SULT1E1: variants seen among roughly 807,000 people sequenced by gnomAD.
SULT1E1 encodes sulfotransferase 1E1.
In SULT1E1, 36 loss-of-function variants were observed where a neutral mutation model predicts 33.6. That is an observed-to-expected ratio of 1.07 (90% CI 0.82 to 1.41). The LOEUF (loss-of-function observed/expected upper bound fraction) is 1.41. SULT1E1 is among the 40% of genes most tolerant of loss of function. The probability of loss-of-function intolerance (pLI) is 0.00; values close to 1 mark genes in which losing one functional copy is unlikely to be tolerated. For synonymous variants in SULT1E1, 121 were observed against 111.7 expected (o/e 1.08, Z -0.53); for missense variants, 371 against 345.7 (o/e 1.07, Z -0.58).
At chr4:69,829,814 G>A in the SULT1E1 span, among the ~76,000 whole-genome samples, 1 of 152,118 alleles carries the variant, frequency 6.6e-6, no homozygotes, top group African/African-American at 2.4e-5. Flanking sequence ...CTATAAGTCA[G>A]GTCACTACCA....
chr4:69,847,243 T>C (rs573295197), intron 6 of SULT1E1, among the ~76,000 whole-genome samples: 12 of 151,868 alleles, frequency 7.9e-5, no homozygotes, highest in South Asian at 2.1e-4. Context: ...TCTGTCAATT[T>C]TAATAGTTTT....
chr4:69,847,853 A>G, intron 5 of SULT1E1, 61 bp from the exon 6 acceptor site: 2 of 944,742 alleles, frequency 2.1e-6, no homozygotes, highest in Non-Finnish European at 3.4e-6. Context: ...CTCGAAAACT[A>G]GTGTTCAAGC....
downstream of SULT1E1, among the ~76,000 whole-genome samples, chr4:69,837,290 G>T (rs1242569153): frequency 6.6e-6 from 1 of 152,062 alleles, no homozygotes; most frequent in Non-Finnish European, 1.5e-5. Flanking sequence ...TTTTATTGAA[G>T]AGTTGTGACA....
chr4:69,826,843 A>G, the SULT1E1 span, among the ~76,000 whole-genome samples: 25 of 152,216 alleles, frequency 1.6e-4, no homozygotes, highest in South Asian at 3.5e-3. Flanking sequence ...ATACACAACT[A>G]TGCAAATCTT....
At chr4:69,850,020 A>G (rs1302703891) in intron 4 of SULT1E1, among the ~76,000 whole-genome samples, 2 of 151,936 alleles carry the variant, frequency 1.3e-5, no homozygotes, top group African/African-American at 4.8e-5. Flanking sequence ...ACTCCACATA[A>G]TTAAAAAAAA....
the SULT1E1 span, among the ~76,000 whole-genome samples, chr4:69,823,420 G>A: frequency 6.6e-6 from 1 of 152,080 alleles, no homozygotes; most frequent in African/African-American, 2.4e-5. Flanking sequence ...GGGTCTCCGA[G>A]AGGGGGATCT....
chr4:69,852,010 A>G (rs1297922441), intron 4 of SULT1E1, among the ~76,000 whole-genome samples: 1 of 152,250 alleles, frequency 6.6e-6, no homozygotes, highest in South Asian at 2.1e-4. Flanking sequence ...GCATTAGAAG[A>G]TATACCTAAT....
At chr4:69,851,162 G>T (rs542071043) in intron 4 of SULT1E1, among the ~76,000 whole-genome samples, 7 of 152,204 alleles carry the variant, frequency 4.6e-5, no homozygotes, top group African/African-American at 1.7e-4. Flanking sequence ...CACAGCAAAA[G>T]AAACTACCAT....
chr4:69,828,460 G>A, the SULT1E1 span, among the ~76,000 whole-genome samples: 1 of 152,068 alleles, frequency 6.6e-6, no homozygotes, highest in Non-Finnish European at 1.5e-5. Context: ...TCACTGCAAA[G>A]GTCTGCAGCT....
chr4:69,846,556 T>C (rs1014295233), intron 6 of SULT1E1, among the ~76,000 whole-genome samples: 1 of 151,570 alleles, frequency 6.6e-6, no homozygotes, highest in Non-Finnish European at 1.5e-5. Context: ...TTTGCAGTTA[T>C]TAAGAATGCT....
intron 6 of SULT1E1, among the ~76,000 whole-genome samples, chr4:69,845,536 T>C (rs1048078944): frequency 6.6e-6 from 1 of 151,012 alleles, no homozygotes; most frequent in African/African-American, 2.4e-5. Context: ...TGTATGTGTA[T>C]ATATATATAA....
intron 3 of SULT1E1, 42 bp downstream of exon 3, chr4:69,855,259 A>G: frequency 7.6e-6 from 12 of 1,586,822 alleles, no homozygotes; most frequent in Non-Finnish European, 1.0e-5. Context: ...TACACACCTT[A>G]GAATATATGC....
At chr4:69,848,282 G>C (rs1721022935) in intron 5 of SULT1E1, among the ~76,000 whole-genome samples, 1 of 151,730 alleles carries the variant, frequency 6.6e-6, no homozygotes, top group Non-Finnish European at 1.5e-5. Flanking sequence ...TACATGGGAA[G>C]GAATGTTCTC....
chr4:69,847,801 A>G lies in SULT1E1; in HGVS notation c.497-9T>C. On this transcript the variant is annotated splice_polypyrimidine_tract_variant and intron_variant, in intron 5 of 7. Transcript: ENST00000226444. ...CCAGGAACCATAAGGAACTAAAATT[A>G]GAGAGAAAAACAGTGTAAAAGTGGT... 6.3e-7 allele frequency: 1 copy of G among 1,587,466 alleles called. No individual in the cohort carries two copies. Among genetic ancestry groups the G allele is most frequent in the South Asian group, 1.1e-5 (1 of 89,838 alleles).
downstream of SULT1E1, among the ~76,000 whole-genome samples, chr4:69,837,436 C>CATATT (rs1720812896): frequency 6.6e-6 from 1 of 151,842 alleles, no homozygotes; most frequent in African/African-American, 2.4e-5. Context: ...ACATATTAAT[C>CATATT]AATCAAGATC....
the SULT1E1 span, among the ~76,000 whole-genome samples, chr4:69,831,045 T>C: frequency 1.3e-5 from 2 of 152,196 alleles, no homozygotes; most frequent in East Asian, 3.9e-4. Flanking sequence ...CCTAACTTTC[T>C]GTAGCTCTGA....
the SULT1E1 span, among the ~76,000 whole-genome samples, chr4:69,831,488 C>T: frequency 6.6e-6 from 1 of 152,180 alleles, no homozygotes; most frequent in African/African-American, 2.4e-5. Context: ...GTCTCCCTAT[C>T]TATAATATCC....
downstream of SULT1E1, among the ~76,000 whole-genome samples, chr4:69,840,447 G>T (rs999958631): frequency 6.6e-6 from 1 of 151,756 alleles, no homozygotes; most frequent in Admixed American, 6.6e-5. Flanking sequence ...TACAGAAAAA[G>T]AATACAATTT....
intron 1 of SULT1E1, among the ~76,000 whole-genome samples, chr4:69,859,128 T>A (rs1005608111): frequency 2.6e-5 from 4 of 152,156 alleles, no homozygotes; most frequent in Admixed American, 2.6e-4. Context: ...GTCAATTTTT[T>A]ATTCTGAGTA....
Sources: gnomAD v4.1 joint callset for allele counts (sites outside exome capture counted in the v4.1 genomes callset) on GRCh38, gnomAD v4.1.1 for gene constraint, MANE v1.5 for transcripts, NCBI Gene and HGNC (gene_info 2026-07-23, HGNC 2026-07-21) for gene names.